The following LRRFIP2 variants were observed in gnomAD, a reference collection of about 807,000 sequenced individuals.
The protein encoded by LRRFIP2 is leucine-rich repeat flightless-interacting protein 2.
Under a neutral mutation model 125.9 loss-of-function variants are expected in LRRFIP2, and 109 were observed. The ratio of observed to expected loss-of-function variants is 0.87; its 90% CI spans 0.74 to 1.01. The LOEUF (loss-of-function observed/expected upper bound fraction) is 1.01. LRRFIP2 is among the 50% of genes least tolerant of loss of function. LRRFIP2 has a pLI of 0.00. For missense variants in LRRFIP2, 850 were observed against 862.3 expected (o/e 0.99, Z 0.18); for synonymous variants, 291 against 293.1 (o/e 0.99, Z 0.07).
Position 37,127,642 on chromosome 3 carries a change from A to T in LRRFIP2, c.216T>A (p.Ile72=). Residue 72 remains isoleucine, a synonymous_variant, in exon 4 of 28, where the codon ATT becomes ATA. Transcript: ENST00000336686. Reference sequence around the variant, plus strand: ...AATACTGGCCTACCAGCCACTTCTGAATCTGTCCCCACTTCCGATCAAAGG... The same window carrying T: ...AATACTGGCCTACCAGCCACTTCTGTATCTGTCCCCACTTCCGATCAAAGG... The part of the protein sequence containing the change: ...LHSFDRKWGQ[I]QKWLEDSERA... The T allele has an allele frequency of 6.2e-7, 1 of 1,614,000 alleles. No homozygotes were observed. The highest frequency in any genetic ancestry group is 1.1e-5 in the South Asian group (1 of 91,078).
intron 2 of LRRFIP2, among the ~76,000 whole-genome samples, chr3:37,139,296 T>A (rs1251595305): frequency 6.6e-6 from 1 of 152,074 alleles, no homozygotes; most frequent in Non-Finnish European, 1.5e-5. Flanking sequence ...AAAAACAAAA[T>A]GGGTACCAAT....
Position 37,115,207 on chromosome 3 carries a change from AAAATTATT to A in LRRFIP2, c.331-120_331-113del, listed in dbSNP as rs557859250. ...AAAATCCAGCACTATTTTAAAATAA[AAAATTATT>A]AAACATGAAAGCTAATCCAGTTGAA... On this transcript the variant is annotated intron_variant, in intron 6 of 27. Transcript: ENST00000336686. 2.6e-4 allele frequency: 180 copies of A among 680,680 alleles called. No homozygotes were observed. The African/African-American group carries it at 3.1e-3, about 12-fold the overall frequency. The allele number at this position is 680,680 out of a possible 1,614,324, so 42.2% of individuals were successfully genotyped here.
intron 15 of LRRFIP2, among the ~76,000 whole-genome samples, chr3:37,100,907 C>T (rs2094003062): frequency 6.6e-6 from 1 of 151,998 alleles, no homozygotes; most frequent in Admixed American, 6.6e-5. Context: ...GTTGCATAGC[C>T]AGATTTGAGA....
intron 1 of LRRFIP2, among the ~76,000 whole-genome samples, chr3:37,154,124 C>T (rs999472479): frequency 1.9e-4 from 29 of 151,876 alleles, no homozygotes; most frequent in African/African-American, 5.8e-4. Flanking sequence ...TACGGTGAGC[C>T]GTGATAATAC....
Position 37,169,893 on chromosome 3 carries a change from A to G in LRRFIP2, c.-56+4646T>C, listed in dbSNP as rs556803313. ...GAGAAAGCACCCTGGTATGTATTCCAAGGCTTTTCCCAGCTCTTTACCACT... is the reference window on the plus strand; with the variant it reads ...GAGAAAGCACCCTGGTATGTATTCCGAGGCTTTTCCCAGCTCTTTACCACT... On this transcript the variant is annotated intron_variant, in intron 1 of 27. Transcript: ENST00000336686. 2.6e-5 allele frequency among the ~76,000 whole-genome samples: 4 copies of G among 152,352 alleles called. No individual in the cohort carries two copies. The East Asian group carries it at 7.7e-4, about 29-fold the overall frequency.
At chr3:37,099,492 A>T (rs2093907628) in intron 15 of LRRFIP2, among the ~76,000 whole-genome samples, 1 of 152,168 alleles carries the variant, frequency 6.6e-6, no homozygotes, top group Non-Finnish European at 1.5e-5. Context: ...TTGGATCTTG[A>T]TCTTTTGTTA....
At chr3:37,141,011 C>G (rs1309438269) in intron 2 of LRRFIP2, among the ~76,000 whole-genome samples, 1 of 152,078 alleles carries the variant, frequency 6.6e-6, no homozygotes, top group Admixed American at 6.6e-5. Flanking sequence ...AAGCAAACCC[C>G]CATCTCTACA....
chr3:37,103,854 C>T (rs2094191286), intron 14 of LRRFIP2, among the ~76,000 whole-genome samples: 1 of 152,186 alleles, frequency 6.6e-6, no homozygotes, highest in African/African-American at 2.4e-5. Context: ...GAAATCTAGT[C>T]TGACTGGCTT....
At chr3:37,134,348 C>T (rs1015266630) in intron 2 of LRRFIP2, among the ~76,000 whole-genome samples, 6 of 152,194 alleles carry the variant, frequency 3.9e-5, no homozygotes, top group South Asian at 2.1e-4. Context: ...AAGAACTTCT[C>T]GGCCTGGCGG....
intron 1 of LRRFIP2, among the ~76,000 whole-genome samples, chr3:37,157,642 A>C (rs1025934535): frequency 6.6e-6 from 1 of 152,208 alleles, no homozygotes; most frequent in Non-Finnish European, 1.5e-5. Flanking sequence ...CATAAAATGA[A>C]TAAATCATTA....
intron 1 of LRRFIP2, among the ~76,000 whole-genome samples, chr3:37,151,231 T>C (rs779391721): frequency 1.3e-5 from 2 of 151,960 alleles, no homozygotes; most frequent in Non-Finnish European, 2.9e-5. Flanking sequence ...AGGTGGCACA[T>C]GTCTGTAATC....
At chr3:37,081,588 T>C (rs1483817581) in intron 19 of LRRFIP2, among the ~76,000 whole-genome samples, 1 of 151,816 alleles carries the variant, frequency 6.6e-6, no homozygotes, top group East Asian at 1.9e-4. Flanking sequence ...ACATTTTAGG[T>C]TTGAAAAGTA....
At chr3:37,083,545 T>C (rs1216533067) in intron 19 of LRRFIP2, 91 bp downstream of exon 19, 2 of 979,478 alleles carry the variant, frequency 2.0e-6, no homozygotes, top group Non-Finnish European at 1.5e-6. Context: ...TGAAACATCA[T>C]TCCTAAATAA....
At chr3:37,144,109 T>G (rs2095795822) in intron 2 of LRRFIP2, among the ~76,000 whole-genome samples, 1 of 152,232 alleles carries the variant, frequency 6.6e-6, no homozygotes, top group African/African-American at 2.4e-5. Flanking sequence ...CCCAACACCA[T>G]GCCTGGCCTG....
At chr3:37,113,375 A>T (rs574579910) in intron 7 of LRRFIP2, among the ~76,000 whole-genome samples, 1 of 152,090 alleles carries the variant, frequency 6.6e-6, no homozygotes, top group African/African-American at 2.4e-5. Flanking sequence ...TGGTACAATC[A>T]TGGCTCACTG....
intron 1 of LRRFIP2, among the ~76,000 whole-genome samples, chr3:37,159,938 G>A (rs1319192708): frequency 7.6e-6 from 1 of 131,018 alleles, no homozygotes; most frequent in Non-Finnish European, 1.6e-5. Flanking sequence ...CCAGCTACTT[G>A]CAGGGCTGAG....
At chr3:37,167,664 AAAAG>A (rs1338668898) in intron 1 of LRRFIP2, among the ~76,000 whole-genome samples, 4 of 150,618 alleles carry the variant, frequency 2.7e-5, no homozygotes, top group Admixed American at 2.0e-4. Context: ...AAAAAAAAAA[AAAAG>A]AAAGAAAGAA....
chr3:37,127,283 G>T (rs2095307629), intron 4 of LRRFIP2, among the ~76,000 whole-genome samples: 1 of 151,992 alleles, frequency 6.6e-6, no homozygotes, highest in African/African-American at 2.4e-5. Flanking sequence ...GAATTACTTG[G>T]GTCATCTTTC....
chr3:37,053,287 AT>A lies in LRRFIP2; in HGVS notation c.*563del, dbSNP rs1226459275. ...AACATTTTCTTATATAAATTTAAAT[AT>A]TTTACAAAAAAAGGCTTTTTTCCTC... On this transcript the variant is annotated 3_prime_UTR_variant, in exon 28 of 28. Transcript: ENST00000336686. 6.5e-6 allele frequency: 1 copy of A among 152,728 alleles called. No homozygotes were observed. Among genetic ancestry groups the A allele is most frequent in the African/African-American group, 2.4e-5 (1 of 41,440 alleles). 9.5% of individuals were successfully genotyped at this position (152,728 alleles called of 1,614,324 possible).
Sources: allele counts gnomAD v4.1 joint callset (sites outside exome capture counted in the v4.1 genomes callset), GRCh38; gene constraint gnomAD v4.1.1; transcripts MANE v1.5; gene names NCBI Gene and HGNC (gene_info 2026-07-23, HGNC 2026-07-21).